Variants in ZNF564 observed in about 807,000 individuals in gnomAD.
The protein encoded by ZNF564 is zinc finger protein 564.
In ZNF564, 5 loss-of-function variants were observed where a neutral mutation model predicts 10.5. That is an observed-to-expected ratio of 0.48 (90% confidence interval 0.25 to 1.00). The LOEUF (loss-of-function observed/expected upper bound fraction) is 1.00. ZNF564 is among the 50% of genes least tolerant of loss of function. The pLI is 0.16. For synonymous variants in ZNF564, 242 were observed against 218.1 expected (o/e 1.11, Z -0.97); for missense variants, 603 against 669.7 (o/e 0.90, Z 1.10).
chr19:12,546,900 C>G (rs1484438128), intron 1 of ZNF564, among the ~76,000 whole-genome samples: 12 of 152,304 alleles, frequency 7.9e-5, no homozygotes, highest in African/African-American at 2.2e-4. Flanking sequence ...CCATCCTCCA[C>G]AGCCTAAGGA....
intron 1 of ZNF564, among the ~76,000 whole-genome samples, chr19:12,533,528 A>C (rs1380961102): frequency 6.6e-6 from 1 of 152,102 alleles, no homozygotes. Flanking sequence ...GGAATTGGAG[A>C]CCAGCCTGGA....
intron 1 of ZNF564, among the ~76,000 whole-genome samples, chr19:12,533,421 T>C (rs2021846094): frequency 6.6e-6 from 1 of 152,200 alleles, no homozygotes; most frequent in Non-Finnish European, 1.5e-5. Flanking sequence ...GGGTTTATAA[T>C]GAATCATCTA....
At chr19:12,531,058 G>A (rs1323328680) in intron 1 of ZNF564, among the ~76,000 whole-genome samples, 1 of 152,082 alleles carries the variant, frequency 6.6e-6, no homozygotes, top group Non-Finnish European at 1.5e-5. Context: ...GGAAAGATGG[G>A]TTCTGAGAAA....
Position 12,526,813 on chromosome 19 carries a change from GA to G in ZNF564, c.1294del (p.Ser432LeufsTer9). 6.2e-7 allele frequency: 1 copy of G among 1,613,800 alleles called. No individual in the cohort carries two copies. Among genetic ancestry groups the G allele is most frequent in the Non-Finnish European group, 8.5e-7 (1 of 1,179,926 alleles). ...ECQVCGKAFI[S>X]LKRIRKHMIL... is the part of the protein sequence containing the mutation. ...CATATGTTTTCTAATCCTTTTAAGA[GA>G]AATGAAGGCTTTCCCACATACCTGA... On this transcript the variant is annotated frameshift_variant, in exon 4 of 4. Transcript: ENST00000339282. LOFTEE classifies it low-confidence loss of function (END_TRUNC).
At chr19:12,536,402 C>A (rs2021914495) in intron 1 of ZNF564, among the ~76,000 whole-genome samples, 1 of 152,162 alleles carries the variant, frequency 6.6e-6, no homozygotes, top group South Asian at 2.1e-4. Flanking sequence ...GTCTCAAACT[C>A]TTGGGCTCAA....
intron 1 of ZNF564, among the ~76,000 whole-genome samples, chr19:12,538,461 T>C (rs1225386897): frequency 6.6e-6 from 1 of 151,864 alleles, no homozygotes; most frequent in Non-Finnish European, 1.5e-5. Context: ...CCATCTCTAC[T>C]AAAAATACAA....
intron 1 of ZNF564, among the ~76,000 whole-genome samples, chr19:12,539,993 A>G (rs1156636687): frequency 6.6e-6 from 1 of 152,106 alleles, no homozygotes; most frequent in Non-Finnish European, 1.5e-5. Flanking sequence ...AAAAAAAAAA[A>G]AGAAAAAAGA....
chr19:12,551,199 G>T, intron 1 of ZNF564, 131 bp downstream of exon 1: 1 of 1,077,688 alleles, frequency 9.3e-7, no homozygotes, highest in Non-Finnish European at 1.4e-6. Context: ...AGAGGGCCGA[G>T]CTGCGCCAGG....
intron 1 of ZNF564, among the ~76,000 whole-genome samples, chr19:12,536,469 G>A (rs4804716): frequency 0.59 from 89,390 of 152,036 alleles, 27,002 homozygotes; most frequent in Admixed American, 0.66. Flanking sequence ...AAGCCACCAC[G>A]CCTGGCCCAT....
chr19:12,542,014 CAAA>C (rs74180077), intron 1 of ZNF564, among the ~76,000 whole-genome samples: 2 of 56,266 alleles, frequency 3.6e-5, no homozygotes, highest in African/African-American at 8.4e-5. Context: ...AGACTCTGTC[CAAA>C]AAAAAAAAAA....
At chr19:12,534,387 G>A (rs2021867453) in intron 1 of ZNF564, among the ~76,000 whole-genome samples, 1 of 152,164 alleles carries the variant, frequency 6.6e-6, no homozygotes, top group African/African-American at 2.4e-5. Flanking sequence ...ACCTTTATTA[G>A]AATGGCTAAA....
intron 1 of ZNF564, among the ~76,000 whole-genome samples, chr19:12,534,400 T>G (rs1466435564): frequency 6.6e-6 from 1 of 152,092 alleles, no homozygotes; most frequent in African/African-American, 2.4e-5. Context: ...TGGCTAAAAT[T>G]TAAAACACTG....
chr19:12,528,811 C>T lies in ZNF564; in HGVS notation c.4-115G>A. The T allele has an allele frequency of 2.4e-6, 3 of 1,241,144 alleles. No individual in the cohort carries two copies. In the South Asian group the frequency reaches 4.5e-5, roughly 19 times the overall value. The allele number at this position is 1,241,144 out of a possible 1,614,324, so 76.9% of individuals were successfully genotyped here. A position where few individuals can be genotyped will look rare whatever the true frequency, so the allele number is the denominator to read the frequency against. On this transcript the variant is annotated intron_variant, in intron 1 of 3. Transcript: ENST00000339282. ...AGGTGTGGTGGCTCATGCCTGTAATCCCAGCACTTTGGGAGGCCAAGGCAT... is the reference window on the plus strand; with the variant it reads ...AGGTGTGGTGGCTCATGCCTGTAATTCCAGCACTTTGGGAGGCCAAGGCAT...
chr19:12,536,445 G>A (rs1214533144), intron 1 of ZNF564, among the ~76,000 whole-genome samples: 3 of 152,158 alleles, frequency 2.0e-5, no homozygotes, highest in Non-Finnish European at 4.4e-5. Context: ...CCAAAGTGCT[G>A]ACATGGCAGG....
rs768467897 is a variant in ZNF564 at position 12,528,705 on chromosome 19, T to C, written c.4-9A>G. On this transcript the variant is annotated splice_polypyrimidine_tract_variant and intron_variant, in intron 1 of 3. Coordinates refer to ENST00000339282, the MANE Select transcript of ZNF564 (RefSeq NM_144976.4). ...TCAGAGGCCACTGAGTCCTAAAACA[T>C]CCCAAATATGCAATGCAGGAGGAAG... 11 of 1,604,740 alleles carry C rather than the reference T, an allele frequency of 6.9e-6. No individual in the cohort carries two copies. In the Admixed American group the frequency reaches 1.6e-4, roughly 23 times the overall value.
In ZNF564 at chr19:12,526,996, C is replaced by G; in HGVS notation, c.1112G>C (p.Gly371Ala). 1 of 1,613,656 alleles carries G rather than the reference C, an allele frequency of 6.2e-7. No homozygotes were observed. Among genetic ancestry groups the G allele is most frequent in the Non-Finnish European group, 8.5e-7 (1 of 1,179,916 alleles). Residue 371 changes from glycine to alanine, a missense_variant, in exon 4 of 4, where the codon GGG becomes GCG. Transcript: ENST00000339282. ...GEKPYECKEC[G>A]KAFISLPSVR... Reference sequence around the variant, plus strand: ...ACTTGGGAGAGAAATGAAGGCTTTCCCGCATTCCTTACATTCATAGGGCTT... The same window carrying G: ...ACTTGGGAGAGAAATGAAGGCTTTCGCGCATTCCTTACATTCATAGGGCTT...
At position 12,527,395 on chromosome 19, in the gene ZNF564, G is replaced by C. The variant is rs889309423; in HGVS notation, c.713C>G (p.Pro238Arg). ...QECAKAFISL[P>R]SFQRHMIRHT... is the part of the protein sequence containing the mutation. ...CCTAATCATGTGTCTTTGAAAACTT[G>C]GAAGAGAAATGAAAGCTTTTGCACA... Residue 238 changes from proline (P) to arginine (R), a missense_variant, in exon 4 of 4, where the codon CCA becomes CGA. Pro to Arg is a moderately radical substitution (Grantham distance 103). Coordinates refer to ENST00000339282, the MANE Select transcript of ZNF564 (RefSeq NM_144976.4). 4 of 1,613,802 alleles carry C rather than the reference G, an allele frequency of 2.5e-6. No individual in the cohort carries two copies. In the African/African-American group the frequency reaches 5.3e-5, roughly 22 times the overall value.
At chr19:12,535,716 T>C (rs1672640708) in intron 1 of ZNF564, among the ~76,000 whole-genome samples, 2 of 152,192 alleles carry the variant, frequency 1.3e-5, no homozygotes, top group South Asian at 2.1e-4. Flanking sequence ...ATACAATATA[T>C]AAAAAATAGG....
intron 1 of ZNF564, among the ~76,000 whole-genome samples, chr19:12,543,824 T>C (rs1267841378): frequency 6.6e-6 from 1 of 152,126 alleles, no homozygotes; most frequent in African/African-American, 2.4e-5. Context: ...ACTCCTAATG[T>C]CGTTGCATTA....
Sources: allele counts gnomAD v4.1 joint callset (sites outside exome capture counted in the v4.1 genomes callset), GRCh38; gene constraint gnomAD v4.1.1; transcripts MANE v1.5; gene names NCBI Gene and HGNC (gene_info 2026-07-23, HGNC 2026-07-21).